The following RRM2B variants were observed in gnomAD, a reference collection of about 807,000 sequenced individuals.
RRM2B encodes ribonucleoside-diphosphate reductase subunit M2 B.
Under a neutral mutation model 45.9 loss-of-function variants are expected in RRM2B, and 20 were observed. That is an observed-to-expected ratio of 0.44 (90% CI 0.31 to 0.63). The LOEUF (loss-of-function observed/expected upper bound fraction) is 0.63, where lower values mean the gene tolerates loss of function less well. Among genes scored for constraint, RRM2B ranks in the 30% least tolerant of loss-of-function variants. RRM2B has a pLI of 0.09. For synonymous variants in RRM2B, 124 were observed against 132.3 expected, an observed-to-expected ratio of 0.94 and a Z score of 0.43; for missense variants, 320 against 414.7, an observed-to-expected ratio of 0.77 and a Z score of 1.98.
At chr8:102,211,022 G>C (rs112315153) in intron 8 of RRM2B, among the ~76,000 whole-genome samples, 2 of 151,658 alleles carry the variant, frequency 1.3e-5, no homozygotes, top group African/African-American at 4.8e-5. Context: ...GAGAGAGAGA[G>C]AGCGAGAGAG....
chr8:102,235,189 G>T (rs1228671663), intron 1 of RRM2B, among the ~76,000 whole-genome samples: 2 of 152,138 alleles, frequency 1.3e-5, no homozygotes, highest in Non-Finnish European at 2.9e-5. Flanking sequence ...ACAATGAAAA[G>T]ATTATTGTAC....
chr8:102,228,434 C>T (rs1471718500), intron 2 of RRM2B, among the ~76,000 whole-genome samples: 2 of 152,184 alleles, frequency 1.3e-5, no homozygotes, highest in East Asian at 3.8e-4. Flanking sequence ...TGAACAAGAG[C>T]GTGGGTGCCA....
At chr8:102,221,758 G>A (rs1810840808) in intron 5 of RRM2B, among the ~76,000 whole-genome samples, 1 of 152,114 alleles carries the variant, frequency 6.6e-6, no homozygotes, top group Admixed American at 6.5e-5. Flanking sequence ...TCTATTTCTA[G>A]GTTGTCCTTC....
At chr8:102,208,505 T>G (rs1021051531) in intron 8 of RRM2B, among the ~76,000 whole-genome samples, 7 of 152,058 alleles carry the variant, frequency 4.6e-5, no homozygotes, top group African/African-American at 1.2e-4. Flanking sequence ...TACTAGCATC[T>G]CTGGTATTCT....
rs1037700 is a variant in RRM2B, at chr8:102,238,547, G to C, written c.48+280C>G. The C allele has an allele frequency of 0.074, 111,292 of 1,503,410 alleles. 4,490 individuals carry two copies. Among genetic ancestry groups the C allele is most frequent in the Middle Eastern group, 0.089 (507 of 5,724 alleles). 93.1% of individuals were successfully genotyped at this position (1,503,410 alleles called of 1,614,324 possible). A position where few individuals can be genotyped will look rare whatever the true frequency, so the allele number is the denominator to read the frequency against. On this transcript the variant is annotated intron_variant, in intron 1 of 8. Transcript: ENST00000251810. ...AGAGCGTGAGGCGGATAAACGCAGG[G>C]GTAAGTCTCACCCCGGCCTGAGGCC...
intron 6 of RRM2B, 176 bp from the exon 7 acceptor site, chr8:102,214,334 T>G (rs1219187738): frequency 1.6e-6 from 1 of 623,502 alleles, no homozygotes; most frequent in South Asian, 1.7e-5. Context: ...TAAATGCCAA[T>G]ACAATAACCT....
chr8:102,219,678 G>A (rs929694785), intron 5 of RRM2B, among the ~76,000 whole-genome samples: 5 of 152,278 alleles, frequency 3.3e-5, no homozygotes, highest in Non-Finnish European at 5.9e-5. Flanking sequence ...AACCCAAAAG[G>A]TCATTCACAA....
At chr8:102,226,952 G>C (rs544248443) in intron 2 of RRM2B, among the ~76,000 whole-genome samples, 1 of 152,278 alleles carries the variant, frequency 6.6e-6, no homozygotes, top group South Asian at 2.1e-4. Flanking sequence ...TTGACCTCAT[G>C]ATCTGTTTGC....
At chr8:102,231,906 C>T (rs1811036569) in intron 2 of RRM2B, among the ~76,000 whole-genome samples, 1 of 150,592 alleles carries the variant, frequency 6.6e-6, no homozygotes. Flanking sequence ...AAAAAATGTT[C>T]TAATATATTG....
chr8:102,218,810 T>C lies in RRM2B; in HGVS notation c.684+4A>G. ...TATAACTAGAAAAACATTCCATTCC[T>C]TACTTCATCTCTGCTGATGAGTTCA... On this transcript the variant is annotated splice_donor_region_variant and intron_variant, in intron 6 of 8. Transcript: ENST00000251810. The C allele has an allele frequency of 6.2e-7, 1 of 1,607,588 alleles. No homozygotes were observed. Among genetic ancestry groups the C allele is most frequent in the Non-Finnish European group, 8.5e-7 (1 of 1,174,242 alleles).
intron 6 of RRM2B, among the ~76,000 whole-genome samples, chr8:102,216,781 C>A (rs1416323498): frequency 6.6e-6 from 1 of 151,950 alleles, no homozygotes; most frequent in East Asian, 1.9e-4. Flanking sequence ...AATAATTAAA[C>A]AATGCAAATA....
In RRM2B at chr8:102,224,936, G is replaced by A; in HGVS notation, c.404C>T (p.Ser135Leu). Reference protein sequence around the residue: ...GFQILIENVHSEMYSLLIDTY... With the variant: ...GFQILIENVHLEMYSLLIDTY... The stretch of plus-strand genomic sequence containing the variant: ...GTCTATCAGCAAACTGTACATCTCT[G>A]AGTGAACATTCTCGATGAGAATTTG... Residue 135 changes from serine to leucine, a missense_variant, in exon 4 of 9, where the codon TCA becomes TTA. Physicochemically the swap from Ser to Leu is moderately radical, Grantham distance 145. This residue lies in a region of RRM2B where 225 missense variants were observed against 289.4 expected (regional missense o/e 0.78). Coordinates refer to ENST00000251810, the MANE Select transcript of RRM2B (RefSeq NM_015713.5). 1 of 1,613,892 alleles carries A rather than the reference G, an allele frequency of 6.2e-7. No individual in the cohort carries two copies. The highest frequency in any genetic ancestry group is 8.5e-7 in the Non-Finnish European group (1 of 1,179,814).
Position 102,205,088 on chromosome 8 carries a change from C to G in RRM2B, c.*3045G>C, listed in dbSNP as rs1315981915. ...CCAGATTCTGCTGGGGAAGATTTCCCAAGTCCACTACCAATTCACTCAACT... is the reference window on the plus strand; with the variant it reads ...CCAGATTCTGCTGGGGAAGATTTCCGAAGTCCACTACCAATTCACTCAACT... On this transcript the variant is annotated 3_prime_UTR_variant, in exon 9 of 9. Coordinates refer to ENST00000251810, the MANE Select transcript of RRM2B (RefSeq NM_015713.5). The G allele has an allele frequency of 6.6e-6, 1 of 152,142 alleles. No individual in the cohort carries two copies. The highest frequency in any genetic ancestry group is 1.5e-5 in the Non-Finnish European group (1 of 67,996). The allele number at this position is 152,142 out of a possible 1,614,324, so 9.4% of individuals were successfully genotyped here.
In RRM2B at chr8:102,224,875, CCAA is replaced by C. The variant is rs767963638; in HGVS notation, c.455+7_455+9del. On this transcript the variant is annotated splice_region_variant and intron_variant, in intron 4 of 8. Coordinates refer to ENST00000251810, the MANE Select transcript of RRM2B (RefSeq NM_015713.5). ...TAAGCAATATTTTGTAAATAAAATCCCAACAATACCTTTTCTTGGGATCTCTGA... is the reference window on the plus strand; with the variant it reads ...TAAGCAATATTTTGTAAATAAAATCCCAATACCTTTTCTTGGGATCTCTGA... The C allele has an allele frequency of 6.2e-7, 1 of 1,612,968 alleles. No homozygotes were observed. Among genetic ancestry groups the C allele is most frequent in the African/African-American group, 1.3e-5 (1 of 74,960 alleles).
At chr8:102,227,984 G>T (rs535805247) in intron 2 of RRM2B, among the ~76,000 whole-genome samples, 2 of 152,258 alleles carry the variant, frequency 1.3e-5, no homozygotes, top group South Asian at 4.1e-4. Flanking sequence ...GAAATTCTGG[G>T]CAGAAGAAGA....
chr8:102,224,011 G>T, intron 5 of RRM2B, 35 bp downstream of exon 5: 1 of 1,424,470 alleles, frequency 7.0e-7, no homozygotes. Context: ...ATCACCTTAG[G>T]CAAATCTGAT....
At chr8:102,221,924 C>T (rs1810843495) in intron 5 of RRM2B, among the ~76,000 whole-genome samples, 1 of 152,138 alleles carries the variant, frequency 6.6e-6, no homozygotes, top group Admixed American at 6.6e-5. Flanking sequence ...TCTGAAGCTC[C>T]TTGTGAGGGA....
chr8:102,238,671 C>A, intron 1 of RRM2B, 156 bp downstream of exon 1: 1 of 1,540,718 alleles, frequency 6.5e-7, no homozygotes, highest in Non-Finnish European at 8.7e-7. Context: ...ACGGCCTCCC[C>A]GGCGCTCGCA....
At chr8:102,213,102 A>G (rs1204342132) in intron 7 of RRM2B, among the ~76,000 whole-genome samples, 1 of 152,234 alleles carries the variant, frequency 6.6e-6, no homozygotes, top group Non-Finnish European at 1.5e-5. Context: ...TCGAAGAGCC[A>G]AAATAAATGG....
Sources: allele counts gnomAD v4.1 joint callset (sites outside exome capture counted in the v4.1 genomes callset), GRCh38; gene constraint gnomAD v4.1.1; regional missense constraint gnomAD v4.1.1; transcripts MANE v1.5; gene names NCBI Gene and HGNC (gene_info 2026-07-23, HGNC 2026-07-21).